The following DEPDC5 variants were observed in gnomAD, a reference collection of about 807,000 sequenced individuals.
DEPDC5 encodes GATOR1 complex protein DEPDC5.
In DEPDC5, 73 loss-of-function variants were observed where a neutral mutation model predicts 217.3. That is an observed-to-expected ratio of 0.34 (90% CI 0.28 to 0.41). The LOEUF (loss-of-function observed/expected upper bound fraction) is 0.41, where lower values mean the gene tolerates loss of function less well. Among genes scored for constraint, DEPDC5 ranks in the 10% least tolerant of loss-of-function variants. The pLI is 1.00. For missense variants in DEPDC5, 1,675 were observed against 2,070.1 expected (o/e 0.81, Z 3.70); for synonymous variants, 733 against 756.7 (o/e 0.97, Z 0.51).
intron 7 of DEPDC5, among the ~76,000 whole-genome samples, chr22:31,770,831 G>A (rs1281658191): frequency 9.2e-5 from 12 of 130,228 alleles, no homozygotes; most frequent in African/African-American, 2.3e-4. Flanking sequence ...TCACTCTGTC[G>A]CCCAGGCTGG....
At chr22:31,829,807 A>T (rs2090454363) in intron 24 of DEPDC5, among the ~76,000 whole-genome samples, 1 of 152,128 alleles carries the variant, frequency 6.6e-6, no homozygotes, top group Admixed American at 6.5e-5. Context: ...GAGACAGGGC[A>T]GTTGGTGTGA....
intron 31 of DEPDC5, 44 bp downstream of exon 31, chr22:31,847,011 C>T (rs749901109): frequency 1.2e-6 from 2 of 1,613,146 alleles, no homozygotes; most frequent in African/African-American, 1.3e-5. Flanking sequence ...CCTTGACAGC[C>T]CTGAGGGTTT....
intron 36 of DEPDC5, chr22:31,875,931 C>A: frequency 2.2e-6 from 1 of 451,946 alleles, no homozygotes; most frequent in Non-Finnish European, 4.0e-6. Context: ...CTGCTCCCGG[C>A]CATCTGAATT....
Position 31,870,480 on chromosome 22 carries a change from G to C in DEPDC5, c.3331-110G>C, listed in dbSNP as rs1433710821. ...AATGGGAAGGATTGCATTAATTTTT[G>C]TTTATTTTTTGTGAATGCTTACTGA... On this transcript the variant is annotated intron_variant, in intron 33 of 42. Transcript: ENST00000651528. 3 of 1,213,076 alleles carry C rather than the reference G, an allele frequency of 2.5e-6. No homozygotes were observed. The African/African-American group carries it at 4.8e-5, about 19-fold the overall frequency. The allele number at this position is 1,213,076 out of a possible 1,614,324, so 75.1% of individuals were successfully genotyped here. A position where few individuals can be genotyped will look rare whatever the true frequency, so the allele number is the denominator to read the frequency against.
chr22:31,805,214 C>T, intron 17 of DEPDC5: 1 of 199,320 alleles, frequency 5.0e-6, no homozygotes, highest in South Asian at 1.0e-4. Context: ...TGTACCTGAC[C>T]TCCTTCAGCT....
chr22:31,819,652 T>C (rs2148806972), intron 22 of DEPDC5, among the ~76,000 whole-genome samples: 1 of 151,940 alleles, frequency 6.6e-6, no homozygotes. Flanking sequence ...GTATTTTTAG[T>C]AGAGACAGGG....
chr22:31,855,685 A>G (rs1260714872), intron 31 of DEPDC5, among the ~76,000 whole-genome samples: 4 of 152,138 alleles, frequency 2.6e-5, no homozygotes, highest in Non-Finnish European at 5.9e-5. Context: ...GCCAACTTCA[A>G]AATATTTCAT....
intron 34 of DEPDC5, 47 bp from the exon 35 acceptor site, chr22:31,873,208 T>G (rs768115843): frequency 1.2e-6 from 2 of 1,613,442 alleles, no homozygotes; most frequent in Non-Finnish European, 1.7e-6. Flanking sequence ...TGCTCTTGAC[T>G]GCATACGTGC....
chr22:31,880,943 C>T (rs1003492948), intron 38 of DEPDC5, among the ~76,000 whole-genome samples: 12 of 149,932 alleles, frequency 8.0e-5, no homozygotes, highest in Admixed American at 5.3e-4. Context: ...TGAACCTGGG[C>T]GGCGGAGCCT....
rs537708958 is a variant in DEPDC5 at position 31,888,736 on chromosome 22, G to T, written c.4034-4846G>T. ...GGTTAATTTTTTGATATTTTGTGGA[G>T]ACAGGGTCTTTGTTGCCCAGGCTGG... is the stretch of plus-strand genomic sequence containing the variant. On this transcript the variant is annotated intron_variant, in intron 38 of 42. Coordinates refer to ENST00000651528, the MANE Select transcript of DEPDC5 (RefSeq NM_001242896.3). Among the ~76,000 whole-genome samples, 224 of 152,026 alleles carry T rather than the reference G, an allele frequency of 1.5e-3. 1 individual carries two copies. The highest frequency in any genetic ancestry group is 5.1e-3 in the African/African-American group (212 of 41,444).
At chr22:31,851,530 G>A (rs550970225) in intron 31 of DEPDC5, among the ~76,000 whole-genome samples, 3 of 152,164 alleles carry the variant, frequency 2.0e-5, no homozygotes, top group Non-Finnish European at 4.4e-5. Flanking sequence ...TATTCTGCTG[G>A]GAGCCAGTTG....
At chr22:31,782,497 C>T (rs898790780) in intron 8 of DEPDC5, among the ~76,000 whole-genome samples, 1 of 152,182 alleles carries the variant, frequency 6.6e-6, no homozygotes, top group African/African-American at 2.4e-5. Flanking sequence ...AAGAGATTTA[C>T]ATTTTACGTT....
At chr22:31,853,143 T>A (rs1472824494) in intron 31 of DEPDC5, 1 of 152,196 alleles carries the variant, frequency 6.6e-6, no homozygotes, top group African/African-American at 2.4e-5. Flanking sequence ...CACAGACTTT[T>A]CCCACTGGAA....
chr22:31,826,650 C>T (rs1324255936), intron 24 of DEPDC5, among the ~76,000 whole-genome samples: 1 of 152,150 alleles, frequency 6.6e-6, no homozygotes, highest in Non-Finnish European at 1.5e-5. Flanking sequence ...GGCATGTTTC[C>T]GCACAGCTCC....
At chr22:31,902,438 T>TATATATATA (rs1569244499) in intron 41 of DEPDC5, among the ~76,000 whole-genome samples, 4 of 85,472 alleles carry the variant, frequency 4.7e-5, no homozygotes, top group African/African-American at 8.6e-5. Flanking sequence ...ATATATATAC[T>TATATATATA]TATATATACT....
chr22:31,852,215 T>C (rs981100083), intron 31 of DEPDC5, among the ~76,000 whole-genome samples: 1 of 152,128 alleles, frequency 6.6e-6, no homozygotes, highest in African/African-American at 2.4e-5. Context: ...ATACGAATAA[T>C]AGACTGGTAT....
intron 4 of DEPDC5, among the ~76,000 whole-genome samples, chr22:31,761,578 A>C (rs1464227640): frequency 6.7e-6 from 1 of 150,090 alleles, no homozygotes; most frequent in Non-Finnish European, 1.5e-5. Flanking sequence ...TGGAAGGATC[A>C]TTGGGTCCCA....
chr22:31,790,381 T>C (rs1344616100), intron 10 of DEPDC5, among the ~76,000 whole-genome samples: 1 of 152,212 alleles, frequency 6.6e-6, no homozygotes, highest in Non-Finnish European at 1.5e-5. Context: ...AAGCCACTTT[T>C]GATGTTCATC....
chr22:31,775,429 C>T (rs1039299690), intron 7 of DEPDC5, among the ~76,000 whole-genome samples: 2 of 152,102 alleles, frequency 1.3e-5, no homozygotes, highest in East Asian at 1.9e-4. Context: ...CCACCCACCT[C>T]GGCCTCCCAA....
Sources: gnomAD v4.1 joint callset for allele counts (sites outside exome capture counted in the v4.1 genomes callset) on GRCh38, gnomAD v4.1.1 for gene constraint, MANE v1.5 for transcripts, NCBI Gene and HGNC (gene_info 2026-07-23, HGNC 2026-07-21) for gene names.